The following C1orf141 variants were observed in gnomAD, a reference collection of about 807,000 sequenced individuals.
The protein encoded by C1orf141 is chromosome 1 open reading frame 141.
A neutral mutation model predicts 23.2 loss-of-function variants in C1orf141; 19 were observed. That is an observed-to-expected ratio of 0.82 (90% confidence interval 0.57 to 1.20). The LOEUF is 1.20. C1orf141 is among the 50% of genes most tolerant of loss of function. The pLI is 0.00. For synonymous variants in C1orf141, 153 were observed against 154.6 expected, an observed-to-expected ratio of 0.99 and a Z score of 0.08; for missense variants, 469 against 455.1, an observed-to-expected ratio of 1.03 and a Z score of -0.28.
intron 5 of C1orf141, among the ~76,000 whole-genome samples, chr1:67,097,199 A>G (rs1454015418): frequency 6.6e-6 from 1 of 152,218 alleles, no homozygotes; most frequent in Non-Finnish European, 1.5e-5. Flanking sequence ...ATCTCAAAAA[A>G]ACAAAAACAA....
At chr1:67,108,433 G>A (rs1484085674) in intron 5 of C1orf141, among the ~76,000 whole-genome samples, 3 of 152,062 alleles carry the variant, frequency 2.0e-5, no homozygotes, top group African/African-American at 4.8e-5. Context: ...CCATCACATT[G>A]GCTATTAAGT....
At chr1:67,135,896 G>T (rs1270198529), upstream of C1orf141, among the ~76,000 whole-genome samples, 3 of 27,174 alleles carry the variant, frequency 1.1e-4, no homozygotes, top group African/African-American at 1.8e-4. Context: ...TAGTGGCAAT[G>T]GCAAAACTGC....
chr1:67,120,633 G>C (rs899470209), intron 4 of C1orf141, among the ~76,000 whole-genome samples: 1 of 152,118 alleles, frequency 6.6e-6, no homozygotes, highest in Non-Finnish European at 1.5e-5. Context: ...GGTGCTATCT[G>C]TCTCTTTCTC....
intron 5 of C1orf141, among the ~76,000 whole-genome samples, chr1:67,106,309 G>A (rs939444004): frequency 6.6e-6 from 1 of 152,082 alleles, no homozygotes; most frequent in Non-Finnish European, 1.5e-5. Flanking sequence ...AGCCTGAAAT[G>A]ACCCAGATAT....
chr1:67,103,550 A>C (rs192782928), intron 5 of C1orf141, among the ~76,000 whole-genome samples: 5 of 152,226 alleles, frequency 3.3e-5, no homozygotes, highest in Admixed American at 3.3e-4. Flanking sequence ...TTCTCAAAAA[A>C]ACCTACTATG....
intron 5 of C1orf141, among the ~76,000 whole-genome samples, chr1:67,110,176 C>T (rs1026981960): frequency 2.0e-5 from 3 of 151,902 alleles, no homozygotes; most frequent in African/African-American, 4.8e-5. Flanking sequence ...TAAATATATA[C>T]TTGACCTAGG....
At chr1:67,137,916 G>C (rs966520904), upstream of C1orf141, among the ~76,000 whole-genome samples, 10 of 152,174 alleles carry the variant, frequency 6.6e-5, no homozygotes, top group African/African-American at 2.4e-4. Context: ...TGAGAAAAGA[G>C]CATTTTTTTT....
chr1:67,125,341 G>A (rs997303447), intron 4 of C1orf141, among the ~76,000 whole-genome samples: 1 of 151,978 alleles, frequency 6.6e-6, no homozygotes, highest in African/African-American at 2.4e-5. Flanking sequence ...TATAACATAT[G>A]CCATAAAACT....
At chr1:67,111,049 G>A (rs901652204) in intron 5 of C1orf141, among the ~76,000 whole-genome samples, 8 of 151,606 alleles carry the variant, frequency 5.3e-5, no homozygotes, top group African/African-American at 1.9e-4. Context: ...TGATGTCCAA[G>A]GCACACTCAA....
At chr1:67,108,352 G>A (rs553593939) in intron 5 of C1orf141, among the ~76,000 whole-genome samples, 40 of 152,090 alleles carry the variant, frequency 2.6e-4, no homozygotes, top group Non-Finnish European at 4.1e-4. Context: ...TCTTTTATAA[G>A]GTCACTAATC....
chr1:67,135,269 C>T (rs1646575462), upstream of C1orf141, among the ~76,000 whole-genome samples: 1 of 152,244 alleles, frequency 6.6e-6, no homozygotes, highest in Non-Finnish European at 1.5e-5. Context: ...TTTGTGCTTT[C>T]CTGGAAACAT....
chr1:67,137,104 A>T (rs1490500180), upstream of C1orf141, among the ~76,000 whole-genome samples: 1 of 152,200 alleles, frequency 6.6e-6, no homozygotes, highest in Non-Finnish European at 1.5e-5. Context: ...TAGGCCAACT[A>T]CAAAGTTAGA....
chr1:67,131,302 C>T (rs1252373038), intron 1 of C1orf141, 75 bp from the exon 2 acceptor site: 2 of 152,098 alleles, frequency 1.3e-5, no homozygotes, highest in South Asian at 2.1e-4. Context: ...GTAATCCTAG[C>T]TACTCTGGAG....
At chr1:67,109,199 C>T (rs1229535609) in intron 5 of C1orf141, among the ~76,000 whole-genome samples, 7 of 151,938 alleles carry the variant, frequency 4.6e-5, no homozygotes, top group East Asian at 1.9e-4. Context: ...TGGTGGCTGA[C>T]GCCTGTAGTC....
chr1:67,099,193 A>T lies in C1orf141; in HGVS notation c.347-2872T>A, dbSNP rs1645748226. ...TAAAAAAGCAGATTGTAAAGAATAA[A>T]GAGAAAAATCCTAAAACTACCAAAA... On this transcript the variant is annotated intron_variant, in intron 5 of 7. Transcript: ENST00000684719. 2.0e-5 allele frequency among the ~76,000 whole-genome samples: 3 copies of T among 152,222 alleles called. No homozygotes were observed. The South Asian group carries it at 6.2e-4, about 32-fold the overall frequency.
intron 5 of C1orf141, among the ~76,000 whole-genome samples, chr1:67,098,675 T>C (rs1018351509): frequency 2.0e-5 from 3 of 152,190 alleles, no homozygotes; most frequent in Non-Finnish European, 4.4e-5. Context: ...TTTTAAGATG[T>C]ATATTAGCAT....
chr1:67,129,810 C>A (rs939168732), intron 2 of C1orf141, among the ~76,000 whole-genome samples: 1 of 152,166 alleles, frequency 6.6e-6, no homozygotes, highest in South Asian at 2.1e-4. Flanking sequence ...CCTTCACTTA[C>A]CAATCTTGTC....
intron 5 of C1orf141, among the ~76,000 whole-genome samples, chr1:67,105,508 A>G (rs1441003286): frequency 6.6e-6 from 1 of 152,092 alleles, no homozygotes; most frequent in Non-Finnish European, 1.5e-5. Flanking sequence ...ACAGGAAAAT[A>G]TAATAAAAAT....
intron 5 of C1orf141, chr1:67,103,402 G>C: frequency 3.0e-6 from 4 of 1,336,308 alleles, no homozygotes; most frequent in Non-Finnish European, 3.9e-6. Context: ...AGGAAAAATG[G>C]AAAATTATCT....
Sources: gnomAD v4.1 joint callset for allele counts (sites outside exome capture counted in the v4.1 genomes callset) on GRCh38, gnomAD v4.1.1 for gene constraint, MANE v1.5 for transcripts, NCBI Gene and HGNC (gene_info 2026-07-23, HGNC 2026-07-21) for gene names.